The following MRPS10 variants were observed in gnomAD, a reference collection of about 807,000 sequenced individuals.
MRPS10 encodes the protein mitochondrial ribosomal protein S10.
MRPS10 carries 23 observed loss-of-function variants against 27.5 expected under a neutral mutation model. The observed-to-expected ratio is 0.84, with a 90% CI of 0.60 to 1.18. The LOEUF (loss-of-function observed/expected upper bound fraction) is 1.18. Ranked by LOEUF, MRPS10 falls within the 50% of genes most tolerant of loss-of-function variation. The pLI, the probability that MRPS10 is intolerant of heterozygous loss-of-function variation, is 0.00. For missense variants in MRPS10, 237 were observed against 240.1 expected (o/e 0.99, Z 0.09); for synonymous variants, 88 against 84.2 (o/e 1.04, Z -0.25).
chr6:42,212,589 C>T (rs557223125), intron 3 of MRPS10, among the ~76,000 whole-genome samples: 1 of 152,258 alleles, frequency 6.6e-6, no homozygotes, highest in East Asian at 1.9e-4. Flanking sequence ...ACCCTAATAC[C>T]TAAAGACCTT....
intron 1 of MRPS10, among the ~76,000 whole-genome samples, chr6:42,216,317 C>T (rs1440617048): frequency 1.4e-5 from 2 of 147,728 alleles, no homozygotes; most frequent in African/African-American, 5.0e-5. Context: ...CCACCGTGCC[C>T]GGCCAAGAAG....
chr6:42,212,756 T>C (rs1437106237), intron 3 of MRPS10, among the ~76,000 whole-genome samples: 1 of 152,246 alleles, frequency 6.6e-6, no homozygotes, highest in Non-Finnish European at 1.5e-5. Flanking sequence ...GAAAGCTAGA[T>C]ATCCACTCTC....
At chr6:42,214,477 T>G in intron 1 of MRPS10, 133 bp from the exon 2 acceptor site, 1 of 512,076 alleles carries the variant, frequency 2.0e-6, no homozygotes, top group Non-Finnish European at 3.3e-6. Context: ...ATGGCCAAAT[T>G]AGATTGAAAA....
rs558667836 is a variant in MRPS10, at chr6:42,210,189, T to C, written c.432+299A>G. On this transcript the variant is annotated intron_variant, in intron 5 of 6. Transcript: ENST00000053468. ...TCCAGCTAGTATGTGAAACAGTTAT[T>C]AGAACTGTGTAAAAACTTCACTAGA... 2.9e-3 allele frequency among the ~76,000 whole-genome samples: 449 copies of C among 152,356 alleles called. 3 individuals carry two copies. The highest frequency in any genetic ancestry group is 0.01 in the African/African-American group (427 of 41,574).
Position 42,207,011 on chromosome 6 carries a change from A to G in MRPS10, c.*1278T>C, listed in dbSNP as rs910102087. On this transcript the variant is annotated 3_prime_UTR_variant, in exon 7 of 7. Transcript: ENST00000053468. ...CCACAAAAGACATGGACCTGCTTCT[A>G]CTATAAAAAGAAAATGAAGCACTTC... is the stretch of plus-strand genomic sequence containing the variant. 9 of 152,196 alleles carry G rather than the reference A, an allele frequency of 5.9e-5. No homozygotes were observed. Among genetic ancestry groups the G allele is most frequent in the Admixed American group, 5.9e-4 (9 of 15,286 alleles). The allele number at this position is 152,196 out of a possible 1,614,324, so 9.4% of individuals were successfully genotyped here. A position where few individuals can be genotyped will look rare whatever the true frequency, so the allele number is the denominator to read the frequency against.
intron 5 of MRPS10, 21 bp downstream of exon 5, chr6:42,210,467 G>C (rs1330184682): frequency 7.7e-7 from 1 of 1,305,500 alleles, no homozygotes; most frequent in East Asian, 2.6e-5. Flanking sequence ...AAAAATGCCA[G>C]AATTTCTCAA....
At position 42,208,360 on chromosome 6, in the gene MRPS10, G is replaced by C. The variant is rs1768670802; in HGVS notation, c.535C>G (p.Gln179Glu). Residue 179 changes from glutamine (Q) to glutamate (E), a missense_variant, in exon 7 of 7, where the codon CAG becomes GAG. This residue lies in a region of MRPS10 where 62 missense variants were observed against 68.2 expected (regional missense o/e 0.91). Coordinates refer to ENST00000053468, the MANE Select transcript of MRPS10 (RefSeq NM_018141.4). ...AMEVTKTQLE[Q>E]LPEHIKEPIW... ...GGCTCCTTGATGTGTTCTGGTAACT[G>C]TTCTAATTGTGTCTAAAAAAAGAAA... The C allele has an allele frequency of 1.2e-6, 2 of 1,600,592 alleles. No individual in the cohort carries two copies. Among genetic ancestry groups the C allele is most frequent in the East Asian group, 4.5e-5 (2 of 44,732 alleles).
intron 6 of MRPS10, 27 bp downstream of exon 6, chr6:42,208,831 C>A (rs374718712): frequency 5.3e-6 from 8 of 1,497,108 alleles, no homozygotes; most frequent in African/African-American, 1.4e-5. Context: ...ACCGCCCCAC[C>A]GAAAGAGGCA....
intron 4 of MRPS10, among the ~76,000 whole-genome samples, chr6:42,211,002 T>G (rs1164289177): frequency 1.3e-5 from 2 of 152,240 alleles, no homozygotes; most frequent in Non-Finnish European, 2.9e-5. Flanking sequence ...AACAAAACTA[T>G]AGTCTGTTTT....
At position 42,208,040 on chromosome 6, in the gene MRPS10, CTGCTTTCAGTCAAAGTGGTT is replaced by C; in HGVS notation, c.*229_*248del. The C allele has an allele frequency of 2.1e-6, 1 of 475,386 alleles. No homozygotes were observed. Among genetic ancestry groups the C allele is most frequent in the South Asian group, 2.8e-5 (1 of 35,198 alleles). The allele number at this position is 475,386 out of a possible 1,614,324, so 29.4% of individuals were successfully genotyped here. A position where few individuals can be genotyped will look rare whatever the true frequency, so the allele number is the denominator to read the frequency against. On this transcript the variant is annotated 3_prime_UTR_variant, in exon 7 of 7. Coordinates refer to ENST00000053468, the MANE Select transcript of MRPS10 (RefSeq NM_018141.4). ...TAACAAAATAGAATTTTCACTCTTT[CTGCTTTCAGTCAAAGTGGTT>C]TGCTCATGTTTGCTGAAATCAGAAC...
intron 1 of MRPS10, among the ~76,000 whole-genome samples, chr6:42,214,590 AAAC>A (rs2113865814): frequency 6.6e-6 from 1 of 152,150 alleles, no homozygotes; most frequent in Admixed American, 6.6e-5. Context: ...TTTTCAAAAA[AAAC>A]AATTCTCACA....
At chr6:42,215,251 TG>T (rs1768890370) in intron 1 of MRPS10, among the ~76,000 whole-genome samples, 5 of 150,672 alleles carry the variant, frequency 3.3e-5, no homozygotes, top group Non-Finnish European at 5.9e-5. Flanking sequence ...TAGCCAGGCA[TG>T]GTGGCGGTGC....
intron 1 of MRPS10, among the ~76,000 whole-genome samples, chr6:42,214,585 A>C (rs200660885): frequency 5.7e-5 from 2 of 34,858 alleles, no homozygotes; most frequent in Admixed American, 7.6e-4. Flanking sequence ...AAACTTTTTC[A>C]AAAAAAACAA....
rs1252265911 is a variant in MRPS10, at chr6:42,208,024, A to G, written c.*265T>C. ...TTGAACACCAGTAGCGTAACAAAATAGAATTTTCACTCTTTCTGCTTTCAG... is the reference window on the plus strand; with the variant it reads ...TTGAACACCAGTAGCGTAACAAAATGGAATTTTCACTCTTTCTGCTTTCAG... On this transcript the variant is annotated 3_prime_UTR_variant, in exon 7 of 7. Transcript: ENST00000053468. 1.4e-5 allele frequency: 6 copies of G among 442,370 alleles called. No individual in the cohort carries two copies. The East Asian group carries it at 2.8e-4, about 21-fold the overall frequency. 27.4% of individuals were successfully genotyped at this position (442,370 alleles called of 1,614,324 possible).
intron 6 of MRPS10, among the ~76,000 whole-genome samples, chr6:42,208,617 A>G (rs1768678683): frequency 6.6e-6 from 1 of 152,186 alleles, no homozygotes; most frequent in South Asian, 2.1e-4. Flanking sequence ...AGGTCTAGAC[A>G]ACTCATATTG....
Position 42,211,827 on chromosome 6 carries a change from A to G in MRPS10, c.277T>C (p.Tyr93His), listed in dbSNP as rs1373191440. ...HDKAVLDSYE[Y>H]FAVLAAKELG... ...TCTTTAGCAGCAAGCACAGCAAAAT[A>G]TTCATAACTGTCCAATACAGCCTTA... The change falls in exon 4 of 7, where the codon TAT (tyrosine) becomes CAT (histidine). Residue 93 changes from tyrosine to histidine, a missense_variant. By Grantham distance (83) the Tyr-to-His change is moderately conservative. Around this residue, in one of 3 missense-constraint regions of MRPS10, gnomAD observed 164 missense variants for 137.8 expected, o/e 1.19. Coordinates refer to ENST00000053468, the MANE Select transcript of MRPS10 (RefSeq NM_018141.4). The G allele has an allele frequency of 6.2e-7, 1 of 1,614,148 alleles. No individual in the cohort carries two copies. Among genetic ancestry groups the G allele is most frequent in the Non-Finnish European group, 8.5e-7 (1 of 1,180,014 alleles).
chr6:42,217,829 G>T lies in MRPS10; in HGVS notation c.21C>A (p.Phe7Leu), dbSNP rs145290235. ...GCCAGAGGCGCCGGCACACAGCACC[G>T]AACGCTGTCCGCGCCGCCATCTTGC... is the stretch of plus-strand genomic sequence containing the variant. MAARTA[F>L]GAVCRRLWQG... Residue 7 changes from phenylalanine (F) to leucine (L), a missense_variant, in exon 1 of 7, where the codon TTC becomes TTA. Coordinates refer to ENST00000053468, the MANE Select transcript of MRPS10 (RefSeq NM_018141.4). 0.01 allele frequency: 16,393 copies of T among 1,614,014 alleles called. 102 individuals carry two copies. The highest frequency in any genetic ancestry group is 0.012 in the Non-Finnish European group (14,695 of 1,179,946).
intron 1 of MRPS10, among the ~76,000 whole-genome samples, 181 bp downstream of exon 1, chr6:42,217,621 T>C (rs570309038): frequency 2.0e-5 from 3 of 152,348 alleles, no homozygotes; most frequent in Admixed American, 1.3e-4. Context: ...CACTAACTTA[T>C]ATTTAATTCC....
In MRPS10 at chr6:42,209,747, C is replaced by CAAAA. The variant is rs60179760; in HGVS notation, c.432+737_432+740dup. ...GTGGTGACAGAGTGAGACTCTATCTCAAAAAAAAAAAAAAAAAAAAAAAAA... is the reference window on the plus strand; with the variant it reads ...GTGGTGACAGAGTGAGACTCTATCTCAAAAAAAAAAAAAAAAAAAAAAAAAAAAA... On this transcript the variant is annotated intron_variant, in intron 5 of 6. Coordinates refer to ENST00000053468, the MANE Select transcript of MRPS10 (RefSeq NM_018141.4). Among the ~76,000 whole-genome samples, 5 of 58,638 alleles carry CAAAA rather than the reference C, an allele frequency of 8.5e-5. 1 individual carries two copies. Among genetic ancestry groups the CAAAA allele is most frequent in the African/African-American group, 3.7e-4 (5 of 13,640 alleles). The allele number at this position is 58,638 out of a possible 152,430, so 38.5% of individuals were successfully genotyped here.
Sources: gnomAD v4.1 joint callset for allele counts (sites outside exome capture counted in the v4.1 genomes callset) on GRCh38, gnomAD v4.1.1 for gene constraint, gnomAD v4.1.1 regional missense constraint, MANE v1.5 for transcripts, NCBI Gene and HGNC (gene_info 2026-07-23, HGNC 2026-07-21) for gene names.